The following SPATA6 variants were observed in gnomAD, a reference collection of about 807,000 sequenced individuals.
The protein encoded by SPATA6 is spermatogenesis associated 6.
SPATA6 carries 56 observed loss-of-function variants against 65.3 expected under a neutral mutation model. That is an observed-to-expected ratio of 0.86 (90% CI 0.69 to 1.07). The LOEUF is 1.07. SPATA6 is among the 50% of genes least tolerant of loss of function. The pLI, the probability that SPATA6 is intolerant of heterozygous loss-of-function variation, is 0.00. For synonymous variants in SPATA6, 199 were observed against 213.2 expected (o/e 0.93, Z 0.58); for missense variants, 590 against 594.8 (o/e 0.99, Z 0.08).
At chr1:48,274,252 GA>G in the SPATA6 span, among the ~76,000 whole-genome samples, 82 of 152,234 alleles carry the variant, frequency 5.4e-4, 1 homozygote, top group South Asian at 0.017. Context: ...CCCTATGTCA[GA>G]TGGATAGATT....
At chr1:48,421,140 A>G (rs536118701) in intron 3 of SPATA6, among the ~76,000 whole-genome samples, 1 of 152,286 alleles carries the variant, frequency 6.6e-6, no homozygotes, top group South Asian at 2.1e-4. Context: ...CAGTAGGGTG[A>G]CCATAGTTAT....
intron 1 of SPATA6, among the ~76,000 whole-genome samples, chr1:48,455,581 C>T (rs933483479): frequency 2.6e-5 from 4 of 152,074 alleles, no homozygotes; most frequent in South Asian, 2.1e-4. Context: ...GGGGTTTCAC[C>T]GTGTTAGCCA....
chr1:48,378,623 T>C (rs558277479), intron 9 of SPATA6, among the ~76,000 whole-genome samples: 2 of 152,268 alleles, frequency 1.3e-5, no homozygotes, highest in Admixed American at 1.3e-4. Flanking sequence ...CGGAAAGCCC[T>C]GATAAACCCA....
At chr1:48,421,352 T>C (rs931626390) in intron 3 of SPATA6, among the ~76,000 whole-genome samples, 2 of 151,582 alleles carry the variant, frequency 1.3e-5, no homozygotes, top group Non-Finnish European at 2.9e-5. Flanking sequence ...AAAATAAAAC[T>C]TGAAAAAAAA....
chr1:48,318,663 A>G (rs1645510937), intron 11 of SPATA6, among the ~76,000 whole-genome samples: 1 of 152,184 alleles, frequency 6.6e-6, no homozygotes, highest in African/African-American at 2.4e-5. Flanking sequence ...ATCAAAAGAT[A>G]TTTAAACAAT....
chr1:48,282,625 CCACAGTGAGATACCATCT>C, the SPATA6 span, among the ~76,000 whole-genome samples: 1 of 152,104 alleles, frequency 6.6e-6, no homozygotes, highest in African/African-American at 2.4e-5. Context: ...CAAATCAAAA[CCACAGTGAGATACCATCT>C]CACACCAGTC....
intron 7 of SPATA6, among the ~76,000 whole-genome samples, chr1:48,398,603 A>G (rs991246767): frequency 7.2e-5 from 11 of 151,790 alleles, no homozygotes; most frequent in Non-Finnish European, 1.5e-4. Flanking sequence ...ATTAATCCAT[A>G]TTTTTATTAG....
chr1:48,367,202 T>C (rs370543281), intron 9 of SPATA6, among the ~76,000 whole-genome samples: 1 of 152,114 alleles, frequency 6.6e-6, no homozygotes, highest in African/African-American at 2.4e-5. Flanking sequence ...TGCTGAGGAG[T>C]GCTTTACTTC....
At chr1:48,442,717 TAAAAAAAAAAAA>T (rs71056669) in intron 3 of SPATA6, among the ~76,000 whole-genome samples, 14 of 46,212 alleles carry the variant, frequency 3.0e-4, no homozygotes, top group Non-Finnish European at 4.1e-4. Flanking sequence ...ATGGAAGTAG[TAAAAAAAAAAAA>T]AAAAAAAAAA....
chr1:48,369,729 C>G (rs928257267), intron 9 of SPATA6, among the ~76,000 whole-genome samples: 65 of 152,202 alleles, frequency 4.3e-4, no homozygotes, highest in African/African-American at 1.5e-3. Flanking sequence ...TTGCACTTCC[C>G]GAGTGAGGCA....
At chr1:48,453,313 C>T (rs1311561321) in intron 1 of SPATA6, among the ~76,000 whole-genome samples, 182 bp from the exon 2 acceptor site, 1 of 152,190 alleles carries the variant, frequency 6.6e-6, no homozygotes, top group Non-Finnish European at 1.5e-5. Flanking sequence ...GCTTTTATAA[C>T]TTCCATCCCT....
intron 3 of SPATA6, among the ~76,000 whole-genome samples, chr1:48,442,954 T>A (rs1655664178): frequency 6.6e-6 from 1 of 152,120 alleles, no homozygotes; most frequent in African/African-American, 2.4e-5. Flanking sequence ...GGAATCTAAA[T>A]CTTAACTAAT....
intron 3 of SPATA6, among the ~76,000 whole-genome samples, chr1:48,426,874 G>GT (rs1205149845): frequency 3.3e-5 from 5 of 151,060 alleles, no homozygotes; most frequent in African/African-American, 1.2e-4. Context: ...AAACATAGAT[G>GT]TAAGATGATA....
chr1:48,376,875 T>C (rs945177287), intron 9 of SPATA6, among the ~76,000 whole-genome samples: 2 of 152,164 alleles, frequency 1.3e-5, no homozygotes, highest in Admixed American at 1.3e-4. Flanking sequence ...AACAGAATGA[T>C]AAGGATTTGT....
the SPATA6 span, among the ~76,000 whole-genome samples, chr1:48,272,798 T>A: frequency 3.3e-5 from 5 of 152,170 alleles, no homozygotes; most frequent in Non-Finnish European, 5.9e-5. Flanking sequence ...ACTTGTTATC[T>A]TTTGTCTTTT....
At position 48,363,574 on chromosome 1, in the gene SPATA6, G is replaced by C. The variant is rs547525637; in HGVS notation, c.910-3804C>G. 4.3e-4 allele frequency among the ~76,000 whole-genome samples: 66 copies of C among 152,058 alleles called. 2 individuals are homozygous for C. In the South Asian group the frequency reaches 0.011, roughly 26 times the overall value. On this transcript the variant is annotated intron_variant, in intron 9 of 12. Transcript: ENST00000371847. ...TAAAGATAATTTTCTTCTGTGTATA[G>C]CATTTATACTTCAGCATAAAAAAGT...
intron 9 of SPATA6, among the ~76,000 whole-genome samples, chr1:48,362,149 G>A (rs1646832870): frequency 6.6e-6 from 1 of 152,104 alleles, no homozygotes; most frequent in South Asian, 2.1e-4. Flanking sequence ...AACTATTCAG[G>A]AGGCTGAGGC....
chr1:48,305,131 A>G (rs1006324407), intron 12 of SPATA6, among the ~76,000 whole-genome samples: 1 of 152,218 alleles, frequency 6.6e-6, no homozygotes, highest in Admixed American at 6.5e-5. Context: ...TTACGAGAGT[A>G]AAGATCAGAG....
intron 9 of SPATA6, among the ~76,000 whole-genome samples, chr1:48,360,023 TTTTGAGTAGTG>T (rs1185336182): frequency 6.6e-6 from 1 of 152,080 alleles, no homozygotes; most frequent in African/African-American, 2.4e-5. Context: ...TTCGAAAGGC[TTTTGAGTAGTG>T]GTGGGGTTCG....
Sources: allele counts gnomAD v4.1 joint callset (sites outside exome capture counted in the v4.1 genomes callset), GRCh38; gene constraint gnomAD v4.1.1; transcripts MANE v1.5; gene names NCBI Gene and HGNC (gene_info 2026-07-23, HGNC 2026-07-21).